Variants in CCDC148 observed in about 807,000 individuals in gnomAD.
CCDC148 encodes coiled-coil domain-containing protein 148.
Under a neutral mutation model 85.7 loss-of-function variants are expected in CCDC148, and 89 were observed. That is an observed-to-expected ratio of 1.04 (90% CI 0.87 to 1.24). CCDC148 has a LOEUF of 1.24. Ranked by LOEUF, CCDC148 falls within the 50% of genes most tolerant of loss-of-function variation. The probability of loss-of-function intolerance (pLI) is 0.00; values close to 1 mark genes in which losing one functional copy is unlikely to be tolerated. For synonymous variants in CCDC148, 230 were observed against 213.9 expected, an observed-to-expected ratio of 1.08 and a Z score of -0.66; for missense variants, 692 against 671.7, an observed-to-expected ratio of 1.03 and a Z score of -0.33.
intron 1 of CCDC148, among the ~76,000 whole-genome samples, chr2:158,433,768 A>C (rs7606296): frequency 1 from 151,976 of 152,246 alleles, 75,854 homozygotes; most frequent in Middle Eastern, 1. Context: ...CAGGACACTC[A>C]CATCCTAATA....
intron 11 of CCDC148, among the ~76,000 whole-genome samples, chr2:158,205,370 C>A (rs1686184490): frequency 6.6e-6 from 1 of 152,080 alleles, no homozygotes; most frequent in South Asian, 2.1e-4. Context: ...CAATGAATAT[C>A]TCTATCTGAG....
chr2:158,199,748 A>G (rs1685858045), intron 11 of CCDC148, among the ~76,000 whole-genome samples: 1 of 152,206 alleles, frequency 6.6e-6, no homozygotes, highest in Admixed American at 6.6e-5. Context: ...TAGTAAAAAT[A>G]TAGTTATCTG....
At chr2:158,271,334 G>A (rs1487784094) in intron 9 of CCDC148, among the ~76,000 whole-genome samples, 1 of 152,132 alleles carries the variant, frequency 6.6e-6, no homozygotes, top group Non-Finnish European at 1.5e-5. Flanking sequence ...CCCAAGGTCA[G>A]CCATGGTTAG....
At position 158,265,088 on chromosome 2, in the gene CCDC148, C is replaced by G. The variant is rs116201509; in HGVS notation, c.1111-14176G>C. ...TCTATACTATTCCTCATATAAAATT[C>G]TATACTATTCACCCAAGGAGACAGC... On this transcript the variant is annotated intron_variant, in intron 9 of 13. Transcript: ENST00000283233. Among the ~76,000 whole-genome samples, 1,401 of 152,134 alleles carry G rather than the reference C, an allele frequency of 9.2e-3. 6 individuals carry two copies. The highest frequency in any genetic ancestry group is 0.014 in the Non-Finnish European group (948 of 67,986).
intron 1 of CCDC148, among the ~76,000 whole-genome samples, chr2:158,362,170 A>G (rs1242003011): frequency 1.3e-5 from 2 of 152,202 alleles, no homozygotes; most frequent in African/African-American, 4.8e-5. Flanking sequence ...ACCCAGATTC[A>G]TAACACAAGT....
intron 1 of CCDC148, among the ~76,000 whole-genome samples, chr2:158,440,229 T>C (rs1217935376): frequency 6.6e-6 from 1 of 152,172 alleles, no homozygotes. Context: ...TGAAACATTA[T>C]AGATTGCTGT....
At chr2:158,266,916 A>G (rs1689485837) in intron 9 of CCDC148, among the ~76,000 whole-genome samples, 1 of 135,948 alleles carries the variant, frequency 7.4e-6, no homozygotes, top group African/African-American at 3.2e-5. Context: ...ACACACACAT[A>G]TATACATATA....
intron 1 of CCDC148, among the ~76,000 whole-genome samples, chr2:158,455,319 T>C (rs1441216160): frequency 6.6e-6 from 1 of 152,114 alleles, no homozygotes; most frequent in Non-Finnish European, 1.5e-5. Flanking sequence ...CACGTTCACC[T>C]GTTTTGTTCC....
chr2:158,290,656 T>C (rs1454120034), intron 9 of CCDC148, among the ~76,000 whole-genome samples: 1 of 152,206 alleles, frequency 6.6e-6, no homozygotes, highest in African/African-American at 2.4e-5. Context: ...CTTTTCTCCC[T>C]AGCACTTTTT....
chr2:158,294,821 C>CAA lies in CCDC148; in HGVS notation c.1110+14610_1110+14611dup, dbSNP rs1409801880. On this transcript the variant is annotated intron_variant, in intron 9 of 13. Transcript: ENST00000283233. ...CCTGGGTGACAGAGCAAGACTCTGT[C>CAA]AAAAAAAAAAAACAAAAAAAAACCT... 2.0e-3 allele frequency among the ~76,000 whole-genome samples: 59 copies of CAA among 28,924 alleles called. 4 individuals are homozygous for CAA. Among genetic ancestry groups the CAA allele is most frequent in the East Asian group, 0.012 (9 of 738 alleles). The allele number at this position is 28,924 out of a possible 152,430, so 19.0% of individuals were successfully genotyped here. A position where few individuals can be genotyped will look rare whatever the true frequency, so the allele number is the denominator to read the frequency against.
intron 7 of CCDC148, among the ~76,000 whole-genome samples, chr2:158,324,322 C>T (rs548729906): frequency 1.2e-3 from 184 of 152,222 alleles, no homozygotes; most frequent in African/African-American, 4.2e-3. Flanking sequence ...AAAAGAAAGT[C>T]CATGTTCTAT....
chr2:158,266,880 A>G (rs1212757874), intron 9 of CCDC148, among the ~76,000 whole-genome samples: 1 of 147,534 alleles, frequency 6.8e-6, no homozygotes, highest in Non-Finnish European at 1.5e-5. Flanking sequence ...ATTTACATAT[A>G]TATATATTTA....
At chr2:158,388,127 A>T (rs1213374062) in intron 1 of CCDC148, among the ~76,000 whole-genome samples, 1 of 152,314 alleles carries the variant, frequency 6.6e-6, no homozygotes, top group African/African-American at 2.4e-5. Context: ...TGTTGCTATT[A>T]TGGCTTAACA....
At chr2:158,362,779 A>G (rs900238901) in intron 1 of CCDC148, among the ~76,000 whole-genome samples, 3 of 152,186 alleles carry the variant, frequency 2.0e-5, no homozygotes, top group African/African-American at 7.2e-5. Context: ...GCAAGAGCAA[A>G]CAAATTCAAA....
At chr2:158,325,085 T>A (rs1458002619) in intron 7 of CCDC148, among the ~76,000 whole-genome samples, 1 of 88,696 alleles carries the variant, frequency 1.1e-5, no homozygotes, top group East Asian at 5.3e-4. Context: ...ACGTCTCCTA[T>A]TTGAAAAAAA....
At chr2:158,355,477 C>G (rs931828028) in intron 2 of CCDC148, among the ~76,000 whole-genome samples, 2 of 151,584 alleles carry the variant, frequency 1.3e-5, no homozygotes, top group African/African-American at 2.4e-5. Context: ...CTCCCATTCA[C>G]AATTGCTTCA....
chr2:158,444,319 A>G (rs1688069357), intron 1 of CCDC148, among the ~76,000 whole-genome samples: 1 of 152,224 alleles, frequency 6.6e-6, no homozygotes, highest in African/African-American at 2.4e-5. Flanking sequence ...TTATTGGGCC[A>G]GTATTAATAC....
intron 11 of CCDC148, among the ~76,000 whole-genome samples, chr2:158,200,750 G>A (rs545661000): frequency 6.6e-6 from 1 of 152,238 alleles, no homozygotes; most frequent in South Asian, 2.1e-4. Context: ...TCTCTCCATT[G>A]TAAAGGCATA....
At chr2:158,340,434 T>C (rs912180924) in intron 4 of CCDC148, 41 bp from the exon 5 acceptor site, 40 of 1,598,086 alleles carry the variant, frequency 2.5e-5, no homozygotes, top group Non-Finnish European at 2.8e-5. Context: ...CACATTATTA[T>C]TTTAAGTGTC....
Sources: allele counts gnomAD v4.1 joint callset (sites outside exome capture counted in the v4.1 genomes callset), GRCh38; gene constraint gnomAD v4.1.1; transcripts MANE v1.5; gene names NCBI Gene and HGNC (gene_info 2026-07-23, HGNC 2026-07-21).